PAK5: variants seen among roughly 807,000 people sequenced by gnomAD.
PAK5 encodes the protein p21 (RAC1) activated kinase 5.
A neutral mutation model predicts 65.9 loss-of-function variants in PAK5; 16 were observed. That is an observed-to-expected ratio of 0.24 (90% CI 0.16 to 0.37). PAK5 has a LOEUF of 0.37. PAK5 is among the 10% of genes least tolerant of loss of function. PAK5 has a pLI of 1.00. For missense variants in PAK5, 785 were observed against 903.9 expected (o/e 0.87, Z 1.69); for synonymous variants, 371 against 354.9 (o/e 1.05, Z -0.51).
At chr20:9,825,374 T>A (rs896973743) in intron 1 of PAK5, among the ~76,000 whole-genome samples, 1 of 152,186 alleles carries the variant, frequency 6.6e-6, no homozygotes, top group Non-Finnish European at 1.5e-5. Flanking sequence ...GTGATTCCAA[T>A]ATTGATTTTG....
At chr20:9,588,732 A>C (rs772073050) in intron 3 of PAK5, among the ~76,000 whole-genome samples, 3 of 152,210 alleles carry the variant, frequency 2.0e-5, no homozygotes, top group East Asian at 3.8e-4. Flanking sequence ...GATCAATAAT[A>C]CAATAACTGC....
chr20:9,681,865 CCT>C (rs1263211801), intron 2 of PAK5, among the ~76,000 whole-genome samples: 1 of 151,970 alleles, frequency 6.6e-6, no homozygotes, highest in Non-Finnish European at 1.5e-5. Flanking sequence ...TGAAAAATAC[CCT>C]GTTTTTGTTA....
At position 9,565,975 on chromosome 20, in the gene PAK5, G is replaced by C. The variant is rs950153286; in HGVS notation, c.1400C>G (p.Thr467Ser). ...EGSTGIVCIA[T>S]EKHTGKQVAV... ...AACTTGTTTCCCTGTGTGTTTCTCG[G>C]TGGCGATGCATACGATGCCGGTTGA... The change falls in exon 5 of 10, where the codon ACC (threonine) becomes AGC (serine). Residue 467 changes from threonine to serine, a missense_variant. Coordinates refer to ENST00000353224, the MANE Select transcript of PAK5 (RefSeq NM_177990.4). 1 of 1,613,752 alleles carries C rather than the reference G, an allele frequency of 6.2e-7. No homozygotes were observed. The highest frequency in any genetic ancestry group is 1.7e-5 in the Admixed American group (1 of 59,978).
At chr20:9,617,722 A>AT (rs1569001885) in intron 3 of PAK5, among the ~76,000 whole-genome samples, 1 of 151,546 alleles carries the variant, frequency 6.6e-6, no homozygotes, top group African/African-American at 2.4e-5. Flanking sequence ...CGGCCGGCTG[A>AT]TTTTTTGTAT....
chr20:9,567,875 G>A (rs1158029986), intron 4 of PAK5, among the ~76,000 whole-genome samples: 2 of 152,216 alleles, frequency 1.3e-5, no homozygotes, highest in Non-Finnish European at 2.9e-5. Flanking sequence ...CTTGGATAGG[G>A]TAGTCACAGA....
At chr20:9,753,254 A>G (rs1205643021) in intron 1 of PAK5, among the ~76,000 whole-genome samples, 1 of 152,200 alleles carries the variant, frequency 6.6e-6, no homozygotes, top group African/African-American at 2.4e-5. Flanking sequence ...TGGGAAAGTA[A>G]AGAATCAAGT....
intron 3 of PAK5, among the ~76,000 whole-genome samples, chr20:9,627,960 C>G (rs1200808986): frequency 1.3e-5 from 2 of 152,174 alleles, no homozygotes; most frequent in Non-Finnish European, 2.9e-5. Flanking sequence ...TCTGAGAACT[C>G]ACACTTGTAC....
At chr20:9,589,338 T>G (rs894247174) in intron 3 of PAK5, among the ~76,000 whole-genome samples, 2 of 152,212 alleles carry the variant, frequency 1.3e-5, no homozygotes, top group African/African-American at 4.8e-5. Flanking sequence ...ACAGATTTGA[T>G]CTACTTAGAT....
intron 1 of PAK5, among the ~76,000 whole-genome samples, chr20:9,772,231 T>C (rs2048841283): frequency 6.6e-6 from 1 of 152,212 alleles, no homozygotes; most frequent in Non-Finnish European, 1.5e-5. Flanking sequence ...CCTGGAGCTA[T>C]GACCAAGAGA....
intron 3 of PAK5, among the ~76,000 whole-genome samples, chr20:9,638,472 CA>C (rs1205580782): frequency 6.6e-6 from 1 of 152,190 alleles, no homozygotes; most frequent in Non-Finnish European, 1.5e-5. Context: ...TGTAAACTCA[CA>C]TTGATTATAC....
intron 7 of PAK5, among the ~76,000 whole-genome samples, chr20:9,546,089 G>A (rs1279593508): frequency 6.6e-6 from 1 of 152,142 alleles, no homozygotes; most frequent in Non-Finnish European, 1.5e-5. Context: ...ATAAAGATCA[G>A]GATTCAGCAG....
At chr20:9,821,600 G>T (rs781634374) in intron 1 of PAK5, among the ~76,000 whole-genome samples, 1 of 151,924 alleles carries the variant, frequency 6.6e-6, no homozygotes, top group East Asian at 1.9e-4. Context: ...CATTCTCATC[G>T]AGAAAGCCAC....
chr20:9,546,277 C>G (rs997772680), intron 7 of PAK5, among the ~76,000 whole-genome samples: 3 of 152,118 alleles, frequency 2.0e-5, no homozygotes, highest in African/African-American at 7.2e-5. Flanking sequence ...TCTATCCATC[C>G]ATCTATTCAT....
At chr20:9,597,025 G>A (rs1487095939) in intron 3 of PAK5, among the ~76,000 whole-genome samples, 1 of 152,152 alleles carries the variant, frequency 6.6e-6, no homozygotes, top group Non-Finnish European at 1.5e-5. Flanking sequence ...GTGTTCCCTT[G>A]GTGGCTGAAC....
At chr20:9,548,069 G>T (rs1217112335) in intron 7 of PAK5, among the ~76,000 whole-genome samples, 1 of 152,172 alleles carries the variant, frequency 6.6e-6, no homozygotes, top group Non-Finnish European at 1.5e-5. Flanking sequence ...CACCTGAATG[G>T]TTTTTAAAGC....
At chr20:9,749,785 T>TA (rs1424473992) in intron 1 of PAK5, among the ~76,000 whole-genome samples, 4 of 152,122 alleles carry the variant, frequency 2.6e-5, no homozygotes, top group African/African-American at 9.7e-5. Flanking sequence ...AGGAAAGTCT[T>TA]ATGTGAGAGA....
intron 3 of PAK5, among the ~76,000 whole-genome samples, chr20:9,605,843 T>C (rs1170957380): frequency 3.3e-5 from 5 of 152,064 alleles, no homozygotes; most frequent in Non-Finnish European, 5.9e-5. Flanking sequence ...GGTGGGAGAA[T>C]GGCTTGAACC....
chr20:9,835,795 T>A (rs1290138156), intron 1 of PAK5, among the ~76,000 whole-genome samples: 1 of 152,180 alleles, frequency 6.6e-6, no homozygotes, highest in Non-Finnish European at 1.5e-5. Context: ...CAAAGGTGAT[T>A]CTTGGGTTTC....
In PAK5 at chr20:9,539,631, C is replaced by G. The variant is rs1488423212; in HGVS notation, c.2005-14G>C. 1 of 1,611,590 alleles carries G rather than the reference C, an allele frequency of 6.2e-7. No homozygotes were observed. The highest frequency in any genetic ancestry group is 8.5e-7 in the Non-Finnish European group (1 of 1,178,838). On this transcript the variant is annotated splice_polypyrimidine_tract_variant and intron_variant, in intron 9 of 9. Coordinates refer to ENST00000353224, the MANE Select transcript of PAK5 (RefSeq NM_177990.4). The stretch of plus-strand genomic sequence containing the variant: ...CACTGAAGAAACCTGTGAAAACACA[C>G]AGATACCAATCTGAGGACTAACACA...
Sources: gnomAD v4.1 joint callset for allele counts (sites outside exome capture counted in the v4.1 genomes callset) on GRCh38, gnomAD v4.1.1 for gene constraint, MANE v1.5 for transcripts, NCBI Gene and HGNC (gene_info 2026-07-23, HGNC 2026-07-21) for gene names.